The following PCDHA13 variants were observed in gnomAD, a reference collection of about 807,000 sequenced individuals.
PCDHA13 encodes the protein protocadherin alpha 13, also known as protocadherin alpha-13.
Under a neutral mutation model 64.8 loss-of-function variants are expected in PCDHA13, and 54 were observed. The observed-to-expected ratio is 0.83, with a 90% CI of 0.67 to 1.04. The LOEUF (loss-of-function observed/expected upper bound fraction) is 1.04. Among genes scored for constraint, PCDHA13 ranks in the 50% least tolerant of loss-of-function variants. The pLI, the probability that PCDHA13 is intolerant of heterozygous loss-of-function variation, is 0.00. For synonymous variants in PCDHA13, 587 were observed against 564.4 expected, an observed-to-expected ratio of 1.04 and a Z score of -0.57; for missense variants, 1,248 against 1,254.3, an observed-to-expected ratio of 0.99 and a Z score of 0.08.
At chr5:140,951,487 G>A (rs1563250651) in intron 1 of PCDHA13, among the ~76,000 whole-genome samples, 1 of 151,938 alleles carries the variant, frequency 6.6e-6, no homozygotes, top group Non-Finnish European at 1.5e-5. Flanking sequence ...CAAGAATCAT[G>A]GTGGAAGGCA....
intron 1 of PCDHA13, among the ~76,000 whole-genome samples, chr5:140,935,276 T>TA (rs1447867343): frequency 6.6e-6 from 1 of 152,226 alleles, no homozygotes; most frequent in African/African-American, 2.4e-5. Flanking sequence ...ACTAATCTAA[T>TA]AAAGTTCAGC....
At chr5:140,929,096 C>T (rs113293568) in intron 1 of PCDHA13, 45,094 of 1,614,150 alleles carry the variant, frequency 0.028, 813 homozygotes, top group Non-Finnish European at 0.033. Context: ...GTTTCAAATC[C>T]TTGCATGACA....
intron 1 of PCDHA13, among the ~76,000 whole-genome samples, chr5:140,898,461 G>T (rs1393934497): frequency 4.6e-5 from 7 of 152,102 alleles, no homozygotes; most frequent in Non-Finnish European, 8.8e-5. Flanking sequence ...TTTCCCCATT[G>T]CTTGTTTTTC....
At position 140,882,677 on chromosome 5, in the gene PCDHA13, A is replaced by C. The variant is rs782476966; in HGVS notation, c.409A>C (p.Lys137Gln). ...NDNPPIFPES[K>Q]KRIIIAESRP... ...CAACCCGCCCATATTCCCTGAAAGC[A>C]AGAAACGAATAATCATTGCAGAATC... is the stretch of plus-strand genomic sequence containing the variant. Residue 137 changes from lysine (K) to glutamine (Q), a missense_variant, in exon 1 of 4, where the codon AAG becomes CAG. Lys to Gln is a moderately conservative substitution (Grantham distance 53). Transcript: ENST00000289272. 1 of 1,614,214 alleles carries C rather than the reference A, an allele frequency of 6.2e-7. No homozygotes were observed.
Position 140,996,044 on chromosome 5 carries a change from A to G in PCDHA13, c.2542+13481A>G, listed in dbSNP as rs569475149. Among the ~76,000 whole-genome samples, 13 of 152,366 alleles carry G rather than the reference A, an allele frequency of 8.5e-5. No homozygotes were observed. The South Asian group carries it at 1.9e-3, about 22-fold the overall frequency. Reference sequence around the variant, plus strand: ...GTTTAATGCTCCTAGCACTTAACACAGTGCTTGGCACACAGTAAAGAGGAT... The same window carrying G: ...GTTTAATGCTCCTAGCACTTAACACGGTGCTTGGCACACAGTAAAGAGGAT... On this transcript the variant is annotated intron_variant, in intron 3 of 3. Coordinates refer to ENST00000289272, the MANE Select transcript of PCDHA13 (RefSeq NM_018904.3).
intron 3 of PCDHA13, among the ~76,000 whole-genome samples, chr5:140,991,146 G>A (rs2097434554): frequency 6.6e-6 from 1 of 151,978 alleles, no homozygotes; most frequent in African/African-American, 2.4e-5. Context: ...AATGTTTTTT[G>A]CTCACCATTG....
intron 2 of PCDHA13, among the ~76,000 whole-genome samples, chr5:140,979,327 C>T (rs1446940311): frequency 5.9e-5 from 9 of 152,078 alleles, no homozygotes; most frequent in African/African-American, 2.2e-4. Context: ...CTTTCTTTTC[C>T]TCCTTTAAAA....
At chr5:140,979,120 T>A in intron 2 of PCDHA13, 113 bp downstream of exon 2, 1 of 1,497,648 alleles carries the variant, frequency 6.7e-7, no homozygotes, top group Non-Finnish European at 8.9e-7. Flanking sequence ...CTTTAGGTAC[T>A]TTGCCAGGAA....
At chr5:140,917,336 G>T (rs1183036523) in intron 1 of PCDHA13, among the ~76,000 whole-genome samples, 1 of 144,856 alleles carries the variant, frequency 6.9e-6, no homozygotes, top group Non-Finnish European at 1.5e-5. Context: ...GGGGAGGGGG[G>T]GGATGGTGTA....
intron 1 of PCDHA13, among the ~76,000 whole-genome samples, chr5:140,930,607 G>T (rs536411934): frequency 2.4e-4 from 36 of 152,252 alleles, no homozygotes; most frequent in African/African-American, 7.5e-4. Flanking sequence ...AATCCTAGAT[G>T]CAAGAGAAGG....
intron 1 of PCDHA13, among the ~76,000 whole-genome samples, chr5:140,923,225 AGCCCAGAAG>A (rs2081250184): frequency 4.2e-5 from 3 of 71,942 alleles, no homozygotes; most frequent in Admixed American, 3.0e-4. Flanking sequence ...GGATCGTTTG[AGCCCAGAAG>A]TTTGAGACCA....
In PCDHA13 at chr5:140,882,457, G is replaced by C; in HGVS notation, c.189G>C (p.Leu63=). Residue 63 remains leucine (L), a synonymous_variant, in exon 1 of 4, where the codon CTG becomes CTC. Transcript: ENST00000289272. ...AGCTGGCGGAGCTGGTGCCGCGCCT[G>C]TTCCGGGTGGCGTCCAAAAGACACG... The part of the protein sequence containing the change: ...GLELAELVPR[L]FRVASKRHGD... The C allele has an allele frequency of 1.2e-6, 2 of 1,614,056 alleles. No homozygotes were observed. The highest frequency in any genetic ancestry group is 1.7e-6 in the Non-Finnish European group (2 of 1,180,046).
At chr5:140,909,472 G>A (rs2074524054) in intron 1 of PCDHA13, among the ~76,000 whole-genome samples, 1 of 152,168 alleles carries the variant, frequency 6.6e-6, no homozygotes, top group South Asian at 2.1e-4. Context: ...CTTCTTCACA[G>A]GCTAAATAGG....
At position 140,999,690 on chromosome 5, in the gene PCDHA13, G is replaced by A. The variant is rs113599808; in HGVS notation, c.2543-9937G>A. Among the ~76,000 whole-genome samples the A allele has an allele frequency of 6.4e-3, 977 of 152,230 alleles. 14 individuals are homozygous for A. Among genetic ancestry groups the A allele is most frequent in the African/African-American group, 0.023 (950 of 41,554 alleles). Reference sequence around the variant, plus strand: ...CGGGGGGCTCACAGAAAGAAGAAATGTGATTTTTTTTTAGCTAACTACGGA... The same window carrying A: ...CGGGGGGCTCACAGAAAGAAGAAATATGATTTTTTTTTAGCTAACTACGGA... On this transcript the variant is annotated intron_variant, in intron 3 of 3. Coordinates refer to ENST00000289272, the MANE Select transcript of PCDHA13 (RefSeq NM_018904.3).
chr5:140,939,701 T>C (rs782486336), intron 1 of PCDHA13, among the ~76,000 whole-genome samples: 2 of 152,210 alleles, frequency 1.3e-5, no homozygotes, highest in Non-Finnish European at 2.9e-5. Context: ...GACATTATCA[T>C]TTGTGAGATA....
chr5:140,994,717 A>T (rs1350882833), intron 3 of PCDHA13, among the ~76,000 whole-genome samples: 4 of 152,164 alleles, frequency 2.6e-5, no homozygotes, highest in Admixed American at 6.6e-5. Context: ...AAAAAAATTT[A>T]AAATACTGGG....
chr5:140,890,608 G>A (rs1451973329), intron 1 of PCDHA13, among the ~76,000 whole-genome samples: 1 of 152,026 alleles, frequency 6.6e-6, no homozygotes, highest in African/African-American at 2.4e-5. Flanking sequence ...AATAGCTAGT[G>A]CTTACCCTAG....
Position 140,883,301 on chromosome 5 carries a change from G to C in PCDHA13, c.1033G>C (p.Asp345His), listed in dbSNP as rs1380648584. The change falls in exon 1 of 4, where the codon GAT (aspartate) becomes CAT (histidine). Residue 345 changes from aspartate to histidine, a missense_variant. Physicochemically the swap from Asp to His is moderately conservative, Grantham distance 81. Coordinates refer to ENST00000289272, the MANE Select transcript of PCDHA13 (RefSeq NM_018904.3). ...TLLVEVLDVN[D>H]NAPEVTITSL... ...TTTGGTGGAAGTACTAGATGTAAAT[G>C]ATAACGCCCCAGAGGTTACCATCAC... is the stretch of plus-strand genomic sequence containing the variant. 1.2e-6 allele frequency: 2 copies of C among 1,613,968 alleles called. No individual in the cohort carries two copies. The highest frequency in any genetic ancestry group is 1.3e-5 in the African/African-American group (1 of 74,880).
In PCDHA13 at chr5:141,010,039, T is replaced by G. The variant is rs2098415843; in HGVS notation, c.*102T>G. ...TCCTTTTTCCTATCTACATGAGCCCTCTTAGAGACCTCAGAAATCTGCAGA... is the reference window on the plus strand; with the variant it reads ...TCCTTTTTCCTATCTACATGAGCCCGCTTAGAGACCTCAGAAATCTGCAGA... On this transcript the variant is annotated 3_prime_UTR_variant, in exon 4 of 4. Coordinates refer to ENST00000289272, the MANE Select transcript of PCDHA13 (RefSeq NM_018904.3). The G allele has an allele frequency of 1.4e-5, 23 of 1,593,158 alleles. No homozygotes were observed. Among genetic ancestry groups the G allele is most frequent in the Non-Finnish European group, 1.8e-5 (21 of 1,170,616 alleles).
Sources: gnomAD v4.1 joint callset for allele counts (sites outside exome capture counted in the v4.1 genomes callset) on GRCh38, gnomAD v4.1.1 for gene constraint, MANE v1.5 for transcripts, NCBI Gene and HGNC (gene_info 2026-07-23, HGNC 2026-07-21) for gene names.